The following PRSS3 variants were observed in gnomAD, a reference collection of about 807,000 sequenced individuals.
PRSS3 encodes trypsin-3.
PRSS3 carries 14 observed loss-of-function variants against 20.8 expected under a neutral mutation model. The observed-to-expected ratio is 0.67, with a 90% CI of 0.44 to 1.05. The LOEUF is 1.05. Ranked by LOEUF, PRSS3 falls within the 50% of genes least tolerant of loss-of-function variation. The pLI, the probability that PRSS3 is intolerant of heterozygous loss-of-function variation, is 0.00. For synonymous variants in PRSS3, 91 were observed against 117.6 expected (o/e 0.77, Z 1.46); for missense variants, 237 against 306.4 (o/e 0.77, Z 1.69).
At position 33,761,811 on chromosome 9, in the gene PRSS3, G is replaced by A. The variant is rs150838775; in HGVS notation, c.-53+11084G>A. On this transcript the variant is annotated intron_variant, in intron 1 of 5. Transcript: ENST00000342836. Reference sequence around the variant, plus strand: ...GGAGGATCACTTGAACCCTGGGGACGGAGGTTGCAGTGAGTTGAGATCGTG... The same window carrying A: ...GGAGGATCACTTGAACCCTGGGGACAGAGGTTGCAGTGAGTTGAGATCGTG... Among the ~76,000 whole-genome samples the A allele has an allele frequency of 3.3e-3, 500 of 152,244 alleles. 4 individuals carry two copies. The highest frequency in any genetic ancestry group is 0.012 in the African/African-American group (479 of 41,544).
At position 33,758,013 on chromosome 9, in the gene PRSS3, A is replaced by G. The variant is rs1587368597; in HGVS notation, c.-53+7286A>G. 7.2e-5 allele frequency among the ~76,000 whole-genome samples: 11 copies of G among 152,094 alleles called. 1 individual carries two copies. In the South Asian group the frequency reaches 2.3e-3, roughly 32 times the overall value. On this transcript the variant is annotated intron_variant, in intron 1 of 5. Coordinates refer to the PRSS3 transcript ENST00000342836. ...ATTATTTCTTAGGTTATCACCAACCACCCTGCATCGAGTCCCTCCTGAGCC... is the reference window on the plus strand; with the variant it reads ...ATTATTTCTTAGGTTATCACCAACCGCCCTGCATCGAGTCCCTCCTGAGCC...
At chr9:33,788,932 C>T (rs1376596685) in intron 1 of PRSS3, among the ~76,000 whole-genome samples, 1 of 152,148 alleles carries the variant, frequency 6.6e-6, no homozygotes, top group Non-Finnish European at 1.5e-5. Context: ...CTCCAGTAAG[C>T]CTCTAATTTA....
chr9:33,755,441 TC>T (rs979072342), intron 1 of PRSS3, among the ~76,000 whole-genome samples: 7 of 152,132 alleles, frequency 4.6e-5, no homozygotes, highest in Non-Finnish European at 1.0e-4. Context: ...GGCCATTTCT[TC>T]TTCTCTTTTC....
rs1822647847 is a variant in PRSS3, at chr9:33,750,738, A to G, written c.-53+11A>G. 2.8e-6 allele frequency: 4 copies of G among 1,425,342 alleles called. No homozygotes were observed. Among genetic ancestry groups the G allele is most frequent in the Non-Finnish European group, 2.7e-6 (3 of 1,093,956 alleles). The allele number at this position is 1,425,342 out of a possible 1,614,324, so 88.3% of individuals were successfully genotyped here. The stretch of plus-strand genomic sequence containing the variant: ...AGGCGCTGGGCACAGGTCAGACGTC[A>G]GTACCCGCAGGGGGCTTGAAACTGG... On this transcript the variant is annotated intron_variant, in intron 1 of 5. Transcript: ENST00000342836. This position sits in a 1 kb window ranked among gnomAD's most constrained non-coding sequence, Gnocchi z 4.8.
chr9:33,789,277 A>G (rs1405022333), intron 1 of PRSS3, among the ~76,000 whole-genome samples: 3 of 152,198 alleles, frequency 2.0e-5, no homozygotes, highest in African/African-American at 4.8e-5. Flanking sequence ...AGAAATATTC[A>G]TGCTTGCCTC....
At chr9:33,771,091 T>C (rs1192351353) in intron 1 of PRSS3, among the ~76,000 whole-genome samples, 1 of 152,192 alleles carries the variant, frequency 6.6e-6, no homozygotes, top group African/African-American at 2.4e-5. Context: ...GTATCAGCAA[T>C]GCCGAGGCTG....
chr9:33,796,719 GTCCCTGAATTCTGGC>G lies in PRSS3; in HGVS notation c.122_136del (p.Leu41_Ser45del), dbSNP rs1824965166. 1 of 1,613,896 alleles carries G rather than the reference GTCCCTGAATTCTGGC, an allele frequency of 6.2e-7. No homozygotes were observed. Among genetic ancestry groups the G allele is most frequent in the Admixed American group, 1.7e-5 (1 of 60,006 alleles). On this transcript the variant is annotated inframe_deletion, in exon 2 of 5. Coordinates refer to ENST00000379405, the MANE Select transcript of PRSS3 (RefSeq NM_002771.4). ...AGGAGAATTCTCTCCCCTACCAGGT[GTCCCTGAATTCTGGC>G]TCCCACTTCTGCGGTGGCTCCCTCA...
intron 1 of PRSS3, among the ~76,000 whole-genome samples, chr9:33,754,227 ACG>A (rs1822836539): frequency 6.6e-6 from 1 of 151,722 alleles, no homozygotes; most frequent in Non-Finnish European, 1.5e-5. Context: ...GTGCACCACC[ACG>A]CCCAGCTAAT....
intron 1 of PRSS3, among the ~76,000 whole-genome samples, chr9:33,783,603 G>A (rs1824264858): frequency 6.6e-6 from 1 of 152,124 alleles, no homozygotes; most frequent in African/African-American, 2.4e-5. Context: ...TAATAAAATG[G>A]AAAATAATGG....
upstream of PRSS3, among the ~76,000 whole-genome samples, chr9:33,795,319 C>G (rs796717795): frequency 1.3e-5 from 2 of 152,220 alleles, no homozygotes; most frequent in Admixed American, 1.3e-4. Context: ...TCTTCCCCAT[C>G]CCAGCATCCT....
At chr9:33,765,464 A>G (rs900260993) in intron 1 of PRSS3, among the ~76,000 whole-genome samples, 1 of 152,230 alleles carries the variant, frequency 6.6e-6, no homozygotes, top group African/African-American at 2.4e-5. Context: ...GTTTCCACTT[A>G]AACAAAACAC....
upstream of PRSS3, among the ~76,000 whole-genome samples, chr9:33,794,222 C>T (rs1824787433): frequency 6.6e-6 from 1 of 151,064 alleles, no homozygotes; most frequent in South Asian, 2.1e-4. Context: ...TCACCATCTC[C>T]AGAACATCTC....
chr9:33,772,306 G>A (rs1212798875), intron 1 of PRSS3, among the ~76,000 whole-genome samples: 1 of 152,178 alleles, frequency 6.6e-6, no homozygotes, highest in Non-Finnish European at 1.5e-5. Context: ...CTGGGTGAGA[G>A]CAGGATCTCA....
rs141913853 is a variant in PRSS3 at position 33,768,728 on chromosome 9, C to T, written c.-53+18001C>T. Among the ~76,000 whole-genome samples the T allele has an allele frequency of 1.7e-3, 264 of 151,924 alleles. 3 individuals are homozygous for T. In the East Asian group the frequency reaches 0.032, roughly 18 times the overall value. ...AAACTTAGCCAGGTGTGGTGGCATG[C>T]ACCTGTAGTCCCAGCTACTCGGGGA... On this transcript the variant is annotated intron_variant, in intron 1 of 5. Coordinates refer to the PRSS3 transcript ENST00000342836.
rs1300388958 is a variant in PRSS3, at chr9:33,799,131, T to C, written c.695T>C (p.Val232Ala). Residue 232 changes from valine to alanine, a missense_variant, in exon 5 of 5, where the codon GTC (valine) becomes GCC (alanine). Physicochemically the swap from Val to Ala is moderately conservative, Grantham distance 64. Coordinates refer to ENST00000379405, the MANE Select transcript of PRSS3 (RefSeq NM_002771.4). ...WKNRPGVYTK[V>A]YNYVDWIKDT... ...AACAGGCCTGGAGTCTACACCAAGG[T>C]CTACAACTATGTGGACTGGATTAAG... 1.2e-6 allele frequency: 2 copies of C among 1,613,936 alleles called. No individual in the cohort carries two copies. The highest frequency in any genetic ancestry group is 1.7e-6 in the Non-Finnish European group (2 of 1,179,998).
chr9:33,759,184 C>T (rs1222667024), intron 1 of PRSS3, among the ~76,000 whole-genome samples: 3 of 151,908 alleles, frequency 2.0e-5, no homozygotes, highest in African/African-American at 4.8e-5. Flanking sequence ...TGGGAGGTGA[C>T]GCTGGAGAGG....
chr9:33,792,903 A>C (rs1824698833), upstream of PRSS3, among the ~76,000 whole-genome samples: 1 of 152,250 alleles, frequency 6.6e-6, no homozygotes, highest in South Asian at 2.1e-4. Flanking sequence ...AGAGAAGAAG[A>C]CAAAGAAATC....
intron 1 of PRSS3, among the ~76,000 whole-genome samples, chr9:33,766,094 A>C (rs535672075): frequency 4.9e-4 from 75 of 151,618 alleles, no homozygotes; most frequent in African/African-American, 1.7e-3. Context: ...GTGAAACCCC[A>C]TCTCTACTAT....
At chr9:33,773,975 A>G (rs1479189252) in intron 1 of PRSS3, among the ~76,000 whole-genome samples, 1 of 152,150 alleles carries the variant, frequency 6.6e-6, no homozygotes, top group Non-Finnish European at 1.5e-5. Context: ...TCCTATTCGT[A>G]AGTTTGTCCT....
Sources: gnomAD v4.1 joint callset for allele counts (sites outside exome capture counted in the v4.1 genomes callset) on GRCh38, gnomAD v4.1.1 for gene constraint, Gnocchi (gnomAD v3.1) non-coding constraint, MANE v1.5 for transcripts, NCBI Gene and HGNC (gene_info 2026-07-23, HGNC 2026-07-21) for gene names.